SLC30A9: variants seen among roughly 807,000 people sequenced by gnomAD.
SLC30A9 encodes the protein solute carrier family 30 member 9.
SLC30A9 carries 58 observed loss-of-function variants against 87.5 expected under a neutral mutation model. That is an observed-to-expected ratio of 0.66 (90% CI 0.54 to 0.82). The LOEUF (loss-of-function observed/expected upper bound fraction) is 0.82, where lower values mean the gene tolerates loss of function less well. SLC30A9 is among the 40% of genes least tolerant of loss of function. The pLI, the probability that SLC30A9 is intolerant of heterozygous loss-of-function variation, is 0.00. For synonymous variants in SLC30A9, 234 were observed against 233.0 expected, an observed-to-expected ratio of 1.00 and a Z score of -0.04; for missense variants, 557 against 679.1, an observed-to-expected ratio of 0.82 and a Z score of 2.00.
At chr4:42,063,635 C>T (rs1312256023) in intron 11 of SLC30A9, among the ~76,000 whole-genome samples, 1 of 152,204 alleles carries the variant, frequency 6.6e-6, no homozygotes, top group Non-Finnish European at 1.5e-5. Flanking sequence ...GCCCCTCTCT[C>T]CTATTCCCTG....
At chr4:42,011,311 G>T (rs1358126254) in intron 2 of SLC30A9, among the ~76,000 whole-genome samples, 2 of 152,126 alleles carry the variant, frequency 1.3e-5, no homozygotes, top group Non-Finnish European at 2.9e-5. Flanking sequence ...ACAGCATGGG[G>T]GAAACTGCTG....
At chr4:42,067,864 T>G (rs1718144629) in intron 14 of SLC30A9, among the ~76,000 whole-genome samples, 1 of 152,308 alleles carries the variant, frequency 6.6e-6, no homozygotes, top group South Asian at 2.1e-4. Flanking sequence ...CAGGTCTGGT[T>G]CCTTCCTGTG....
intron 6 of SLC30A9, chr4:42,029,364 A>G (rs1310332380): frequency 1.7e-6 from 1 of 590,378 alleles, no homozygotes; most frequent in Admixed American, 2.0e-5. Context: ...TCTTCATCGG[A>G]ATGATCCAAG....
chr4:42,010,042 T>A (rs1715375016), intron 2 of SLC30A9, among the ~76,000 whole-genome samples: 1 of 152,234 alleles, frequency 6.6e-6, no homozygotes, highest in Admixed American at 6.5e-5. Flanking sequence ...TTTAATTTTT[T>A]AAGGTCAAAT....
Position 42,090,358 on chromosome 4 carries a change from T to C in SLC30A9, c.*4232T>C, listed in dbSNP as rs1410846525. On this transcript the variant is annotated 3_prime_UTR_variant, in exon 18 of 18. Transcript: ENST00000264451. ...GCAAAAAGAAAATTTTTATTCGTTA[T>C]ATTGTATTTCATCTGTCTGATTTCC... 1 of 152,224 alleles carries C rather than the reference T, an allele frequency of 6.6e-6. No individual in the cohort carries two copies. The highest frequency in any genetic ancestry group is 1.5e-5 in the Non-Finnish European group (1 of 68,038). 9.4% of individuals were successfully genotyped at this position (152,224 alleles called of 1,614,324 possible). A position where few individuals can be genotyped will look rare whatever the true frequency, so the allele number is the denominator to read the frequency against.
At chr4:42,030,101 TA>T in intron 6 of SLC30A9, 1 of 932,044 alleles carries the variant, frequency 1.1e-6, no homozygotes, top group Admixed American at 2.8e-5. Flanking sequence ...TCCTTTGATG[TA>T]AAAATTGAAG....
At chr4:42,036,379 T>C (rs1027892380) in intron 7 of SLC30A9, among the ~76,000 whole-genome samples, 1 of 152,206 alleles carries the variant, frequency 6.6e-6, no homozygotes, top group Non-Finnish European at 1.5e-5. Flanking sequence ...TTGGGACACA[T>C]GTAGAAAGTT....
chr4:42,003,502 T>G (rs1715070709), intron 2 of SLC30A9, among the ~76,000 whole-genome samples: 2 of 152,162 alleles, frequency 1.3e-5, no homozygotes, highest in Middle Eastern at 3.2e-3. Context: ...ATATTTAGAA[T>G]TATTACCTAA....
intron 1 of SLC30A9, among the ~76,000 whole-genome samples, chr4:42,000,680 A>C (rs572772897): frequency 6.6e-6 from 1 of 152,080 alleles, no homozygotes; most frequent in Non-Finnish European, 1.5e-5. Context: ...TGAGCCATTA[A>C]GAAATGGCTT....
chr4:42,079,296 CTT>C (rs869238777), intron 17 of SLC30A9, among the ~76,000 whole-genome samples: 22 of 142,230 alleles, frequency 1.5e-4, no homozygotes, highest in Admixed American at 2.8e-4. Flanking sequence ...ATATAAATAA[CTT>C]TTTTTTTTTT....
In SLC30A9 at chr4:42,053,225, A is replaced by G. The variant is rs28889006; in HGVS notation, c.840+3746A>G. 5.2e-3 allele frequency among the ~76,000 whole-genome samples: 789 copies of G among 152,296 alleles called. 7 individuals carry two copies. The highest frequency in any genetic ancestry group is 0.018 in the African/African-American group (748 of 41,566). On this transcript the variant is annotated intron_variant, in intron 9 of 17. Coordinates refer to ENST00000264451, the MANE Select transcript of SLC30A9 (RefSeq NM_006345.4). ...ACCTGACAGCCAAATGTTGGTGAAG[A>G]TGTGGAGCAGCCAGATCTCCCAGTC...
chr4:42,020,434 A>C lies in SLC30A9; in HGVS notation c.353A>C (p.Lys118Thr). The C allele has an allele frequency of 6.4e-7, 1 of 1,556,546 alleles. No homozygotes were observed. Among genetic ancestry groups the C allele is most frequent in the Non-Finnish European group, 8.8e-7 (1 of 1,130,996 alleles). ...LQVRVKAVLK[K>T]REYGSKYTQN... ...TGTTTAGTTAAAGCAGTCCTTAAGA[A>C]AAGGGAGTATGGCTCAAAGTACACT... Residue 118 changes from lysine (K) to threonine (T), a missense_variant, in exon 4 of 18, where the codon AAA (lysine) becomes ACA (threonine). Transcript: ENST00000264451.
intron 10 of SLC30A9, among the ~76,000 whole-genome samples, chr4:42,062,670 C>T (rs1390570570): frequency 2.6e-5 from 4 of 152,142 alleles, no homozygotes; most frequent in Non-Finnish European, 5.9e-5. Context: ...CATCTGAATG[C>T]ATTTTTTAAA....
At chr4:42,085,333 A>G (rs1718887029) in intron 17 of SLC30A9, among the ~76,000 whole-genome samples, 1 of 152,220 alleles carries the variant, frequency 6.6e-6, no homozygotes, top group African/African-American at 2.4e-5. Context: ...ATCTGGAATC[A>G]GGCCTGGAGT....
At chr4:42,038,014 T>A (rs1392546011) in intron 7 of SLC30A9, among the ~76,000 whole-genome samples, 1 of 152,058 alleles carries the variant, frequency 6.6e-6, no homozygotes, top group Non-Finnish European at 1.5e-5. Flanking sequence ...TCAAGCAGTC[T>A]GCCCATCTTG....
chr4:41,991,360 T>C lies in SLC30A9; in HGVS notation c.109+600T>C, dbSNP rs1398369949. ...CTGAGCAGTCTTTTTGGTGAAAAGG[T>C]GGCAGTTGTAGTGGTAACCCAGAAA... On this transcript the variant is annotated intron_variant, in intron 1 of 17. Coordinates refer to ENST00000264451, the MANE Select transcript of SLC30A9 (RefSeq NM_006345.4). Among the ~76,000 whole-genome samples, 4 of 152,184 alleles carry C rather than the reference T, an allele frequency of 2.6e-5. No individual in the cohort carries two copies. The East Asian group carries it at 7.7e-4, about 29-fold the overall frequency.
chr4:42,003,534 A>C (rs1020897366), intron 2 of SLC30A9, among the ~76,000 whole-genome samples: 3 of 152,078 alleles, frequency 2.0e-5, no homozygotes, highest in African/African-American at 7.2e-5. Flanking sequence ...TATTCCCTCT[A>C]TCATTGTGCA....
intron 3 of SLC30A9, chr4:42,018,535 A>G: frequency 1.4e-6 from 1 of 710,810 alleles, no homozygotes; most frequent in Non-Finnish European, 1.9e-6. Flanking sequence ...GTCTGACTTT[A>G]TTTTCTAGGA....
chr4:42,042,961 T>C (rs2153137798), intron 8 of SLC30A9, among the ~76,000 whole-genome samples: 1 of 152,082 alleles, frequency 6.6e-6, no homozygotes, highest in Non-Finnish European at 1.5e-5. Flanking sequence ...TCCAGCAAAC[T>C]CCAGCAGACC....
Sources: gnomAD v4.1 joint callset for allele counts (sites outside exome capture counted in the v4.1 genomes callset) on GRCh38, gnomAD v4.1.1 for gene constraint, MANE v1.5 for transcripts, NCBI Gene and HGNC (gene_info 2026-07-23, HGNC 2026-07-21) for gene names.